The following ITGA7 variants were observed in gnomAD, a reference collection of about 807,000 sequenced individuals.
ITGA7 encodes integrin subunit alpha 7.
ITGA7 carries 84 observed loss-of-function variants against 131.6 expected under a neutral mutation model. The ratio of observed to expected loss-of-function variants is 0.64; its 90% CI spans 0.54 to 0.77. The LOEUF (loss-of-function observed/expected upper bound fraction) is 0.77, where lower values mean the gene tolerates loss of function less well. ITGA7 is among the 30% of genes least tolerant of loss of function. ITGA7 has a pLI of 0.00. For synonymous variants in ITGA7, 548 were observed against 600.7 expected (o/e 0.91, Z 1.28); for missense variants, 1,399 against 1,482.9 (o/e 0.94, Z 0.93).
intron 24 of ITGA7, 65 bp downstream of exon 24, chr12:55,687,906 C>G: frequency 6.2e-7 from 1 of 1,609,662 alleles, no homozygotes; most frequent in Non-Finnish European, 8.5e-7. Context: ...GACAGAACCA[C>G]AATACAAAAT....
At chr12:55,701,343 G>A in intron 3 of ITGA7, 189 bp from the exon 4 acceptor site, 2 of 1,556,588 alleles carry the variant, frequency 1.3e-6, no homozygotes, top group South Asian at 2.4e-5. Flanking sequence ...GTGTTACACA[G>A]GTCCATGCAT....
intron 3 of ITGA7, among the ~76,000 whole-genome samples, chr12:55,701,973 T>TAG (rs148089212): frequency 2.0e-5 from 3 of 151,276 alleles, no homozygotes; most frequent in African/African-American, 2.4e-5. Context: ...TACTGAAAGA[T>TAG]AGAGAGAGAG....
rs1173947195 is a variant in ITGA7 at position 55,701,121 on chromosome 12, C to T, written c.448G>A (p.Val150Met). Reference sequence around the variant, plus strand: ...TCCCGCGTCTCCAGGATCTGGTCCACTCGCTGCCTTGCCTCATATCGGTGT... The same window carrying T: ...TCCCGCGTCTCCAGGATCTGGTCCATTCGCTGCCTTGCCTCATATCGGTGT... Reference protein sequence around the residue: ...CAHRYEARQRVDQILETRDMI... With the variant: ...CAHRYEARQRMDQILETRDMI... Residue 150 changes from valine to methionine, a missense_variant, in exon 4 of 25, where the codon GTG (valine) becomes ATG (methionine). Physicochemically the swap from Val to Met is conservative, Grantham distance 21. Transcript: ENST00000257879. The T allele has an allele frequency of 6.2e-7, 1 of 1,614,132 alleles. No individual in the cohort carries two copies. The highest frequency in any genetic ancestry group is 1.1e-5 in the South Asian group (1 of 91,092).
chr12:55,687,150 C>T (rs991441585), intron 24 of ITGA7, among the ~76,000 whole-genome samples: 4 of 148,096 alleles, frequency 2.7e-5, no homozygotes, highest in Admixed American at 6.8e-5. Context: ...TCCCTGAGAA[C>T]GAGATCTGCA....
chr12:55,696,977 G>C lies in ITGA7; in HGVS notation c.1659C>G (p.Pro553=), dbSNP rs144052152. 1,954 of 1,614,134 alleles carry C rather than the reference G, an allele frequency of 1.2e-3. 5 individuals carry two copies. The highest frequency in any genetic ancestry group is 8.3e-3 in the Middle Eastern group (50 of 6,008). The stretch of plus-strand genomic sequence containing the variant: ...ACACGGTGCCCGAGGCCTGGTGCTT[G>C]GGTTCTTCCAGGTTACGGCTCAGGA... ...VTFLSRNLEE[P]KHQASGTVWL... Residue 553 remains proline, a synonymous_variant, in exon 12 of 25, where the codon CCC becomes CCG. Transcript: ENST00000257879.
chr12:55,694,023 T>C lies in ITGA7; in HGVS notation c.2533A>G (p.Thr845Ala). ...GGGGCCTCATCCCTGACACTTACCG[T>C]GACCTCATACTTGACCTTGCTGCCC... ...DVGSKVKYEVTVSNQGQSLRT... is the reference protein window; with the variant it reads ...DVGSKVKYEVAVSNQGQSLRT... Residue 845 changes from threonine (T) to alanine (A), a missense_variant and splice_region_variant, in exon 19 of 25, where the codon ACG (threonine) becomes GCG (alanine). Thr to Ala is a moderately conservative substitution (Grantham distance 58, BLOSUM62 0). Coordinates refer to ENST00000257879, the MANE Select transcript of ITGA7 (RefSeq NM_002206.3). This position sits in a 1 kb window ranked among gnomAD's most constrained non-coding sequence, Gnocchi z 5.3. 1 of 1,612,726 alleles carries C rather than the reference T, an allele frequency of 6.2e-7. No individual in the cohort carries two copies. The highest frequency in any genetic ancestry group is 8.5e-7 in the Non-Finnish European group (1 of 1,179,058).
intron 24 of ITGA7, among the ~76,000 whole-genome samples, chr12:55,686,583 G>A: frequency 6.6e-6 from 1 of 152,174 alleles, no homozygotes; most frequent in Middle Eastern, 3.2e-3. Flanking sequence ...GCACAGGCAG[G>A]GGCAGTTCTC....
intron 4 of ITGA7, 59 bp downstream of exon 4, chr12:55,700,840 T>C (rs1283905355): frequency 3.1e-6 from 5 of 1,610,390 alleles, no homozygotes; most frequent in African/African-American, 1.3e-5. Context: ...TCCCCAACCC[T>C]GTCTCTGAGG....
At chr12:55,693,467 T>C (rs1464231385) in intron 19 of ITGA7, 150 bp from the exon 20 acceptor site, 27 of 717,230 alleles carry the variant, frequency 3.8e-5, no homozygotes, top group Non-Finnish European at 6.0e-5. Context: ...CCTGTAGTGC[T>C]GTGATTACAG....
intron 4 of ITGA7, 75 bp downstream of exon 4, chr12:55,700,824 G>A (rs1351669151): frequency 6.3e-7 from 1 of 1,590,500 alleles, no homozygotes; most frequent in African/African-American, 1.3e-5. Flanking sequence ...GCTTGGCCAT[G>A]TGCCATCCCC....
upstream of ITGA7, chr12:55,712,302 C>T: frequency 6.8e-7 from 1 of 1,476,524 alleles, no homozygotes; most frequent in Admixed American, 2.0e-5. Flanking sequence ...TTTCTTTGAG[C>T]ACTGGCTTCA....
rs142738903 is a variant in ITGA7, at chr12:55,707,086, T to C, written c.206+391A>G. On this transcript the variant is annotated intron_variant, in intron 1 of 24. Coordinates refer to ENST00000257879, the MANE Select transcript of ITGA7 (RefSeq NM_002206.3). Reference sequence around the variant, plus strand: ...CATGGCACCCTCAACTTCTATGTCCTTTCCATCTCCTCCCATTCTAAGCAG... The same window carrying C: ...CATGGCACCCTCAACTTCTATGTCCCTTCCATCTCCTCCCATTCTAAGCAG... Among the ~76,000 whole-genome samples, 874 of 152,316 alleles carry C rather than the reference T, an allele frequency of 5.7e-3. 3 individuals are homozygous for C. Among genetic ancestry groups the C allele is most frequent in the Non-Finnish European group, 8.4e-3 (571 of 68,036 alleles).
At chr12:55,700,826 G>C in intron 4 of ITGA7, 73 bp downstream of exon 4, 2 of 1,592,254 alleles carry the variant, frequency 1.3e-6, no homozygotes, top group Non-Finnish European at 1.7e-6. Flanking sequence ...TTGGCCATGT[G>C]CCATCCCCAA....
In ITGA7 at chr12:55,697,826, G is replaced by C. The variant is rs534961736; in HGVS notation, c.1282-4C>G. 10 of 1,614,124 alleles carry C rather than the reference G, an allele frequency of 6.2e-6. No homozygotes were observed. In the African/African-American group the frequency reaches 6.7e-5, roughly 11 times the overall value. On this transcript the variant is annotated splice_region_variant and splice_polypyrimidine_tract_variant and intron_variant, in intron 8 of 24. Coordinates refer to ENST00000257879, the MANE Select transcript of ITGA7 (RefSeq NM_002206.3). ...CCACAGCCTCGCCCTCCAGCACCTAGAGAACCAGCTGTCAGCCTCCCTCAA... is the reference window on the plus strand; with the variant it reads ...CCACAGCCTCGCCCTCCAGCACCTACAGAACCAGCTGTCAGCCTCCCTCAA...
chr12:55,689,022 C>T, intron 21 of ITGA7, 65 bp from the exon 22 acceptor site: 1 of 1,281,244 alleles, frequency 7.8e-7, no homozygotes, highest in Non-Finnish European at 1.1e-6. Flanking sequence ...TGCCATCTCT[C>T]CCATTTTCCT....
In ITGA7 at chr12:55,701,036, C is replaced by A. The variant is rs1436176226; in HGVS notation, c.533G>T (p.Gly178Val). The change falls in exon 4 of 25, where the codon GGT becomes GTT. Residue 178 changes from glycine to valine, a missense_variant. Coordinates refer to ENST00000257879, the MANE Select transcript of ITGA7 (RefSeq NM_002206.3). ...QDLAIRDELD[G>V]GEWKFCEGRP... Reference sequence around the variant, plus strand: ...TCCCTCACAGAACTTCCATTCCCCACCATCCAACTCATCCCGGATGGCCAG... The same window carrying A: ...TCCCTCACAGAACTTCCATTCCCCAACATCCAACTCATCCCGGATGGCCAG... 6.2e-7 allele frequency: 1 copy of A among 1,614,222 alleles called. No individual in the cohort carries two copies. Among genetic ancestry groups the A allele is most frequent in the Admixed American group, 1.7e-5 (1 of 60,032 alleles).
intron 1 of ITGA7, among the ~76,000 whole-genome samples, chr12:55,706,642 A>T (rs1875255265): frequency 6.6e-6 from 1 of 151,154 alleles, no homozygotes; most frequent in Admixed American, 6.6e-5. Context: ...CCCTCACAAA[A>T]GTATATCCAT....
chr12:55,686,230 T>C (rs1162907807), intron 24 of ITGA7: 9 of 1,350,632 alleles, frequency 6.7e-6, no homozygotes, highest in South Asian at 1.1e-5. Context: ...CCAACTTCCA[T>C]GGCTGAAGGC....
intron 5 of ITGA7, 120 bp from the exon 6 acceptor site, chr12:55,699,037 T>C (rs1592456762): frequency 1.2e-6 from 1 of 832,202 alleles, no homozygotes; most frequent in Non-Finnish European, 1.9e-6. Context: ...ACAGCTCCCC[T>C]GCACCCTGCC....
Sources: gnomAD v4.1 joint callset for allele counts (sites outside exome capture counted in the v4.1 genomes callset) on GRCh38, gnomAD v4.1.1 for gene constraint, Gnocchi (gnomAD v3.1) non-coding constraint, MANE v1.5 for transcripts, NCBI Gene and HGNC (gene_info 2026-07-23, HGNC 2026-07-21) for gene names.